The following ZNF726 variants were observed in gnomAD, a reference collection of about 807,000 sequenced individuals.
ZNF726 encodes the protein zinc finger protein 726.
A neutral mutation model predicts 11.6 loss-of-function variants in ZNF726; 15 were observed. That is an observed-to-expected ratio of 1.29 (90% CI 0.86 to 1.99). The LOEUF (loss-of-function observed/expected upper bound fraction) is 1.99. Among genes scored for constraint, ZNF726 ranks in the 30% most tolerant of loss-of-function variants. The probability of loss-of-function intolerance (pLI) is 0.00; values close to 1 mark genes in which losing one functional copy is unlikely to be tolerated. For missense variants in ZNF726, 890 were observed against 725.6 expected (o/e 1.23, Z -2.60); for synonymous variants, 295 against 243.6 (o/e 1.21, Z -1.96).
At chr19:23,930,444 G>T (rs1289946289) in intron 3 of ZNF726, among the ~76,000 whole-genome samples, 1 of 151,792 alleles carries the variant, frequency 6.6e-6, no homozygotes, top group African/African-American at 2.4e-5. Context: ...CATTAATTGT[G>T]TTTTGATTTT....
chr19:23,932,331 A>G lies in ZNF726; in HGVS notation c.227-12A>G. 4 of 1,314,422 alleles carry G rather than the reference A, an allele frequency of 3.0e-6. No homozygotes were observed. The highest frequency in any genetic ancestry group is 2.9e-6 in the Non-Finnish European group (3 of 1,024,060). The allele number at this position is 1,314,422 out of a possible 1,614,324, so 81.4% of individuals were successfully genotyped here. A position where few individuals can be genotyped will look rare whatever the true frequency, so the allele number is the denominator to read the frequency against. ...ATAGTAAGTGGAGTAAATTATTTTA[A>G]TTTTTTTTTAGGTATATGTCCTCAT... On this transcript the variant is annotated splice_polypyrimidine_tract_variant and intron_variant, in intron 3 of 3. Transcript: ENST00000594466.
intron 1 of ZNF726, among the ~76,000 whole-genome samples, chr19:23,917,852 A>ACT (rs34560541): frequency 0.24 from 35,916 of 152,026 alleles, 4,430 homozygotes; most frequent in African/African-American, 0.26. Context: ...GAAATTAATA[A>ACT]CTAACATGGA....
chr19:23,927,284 T>C (rs147656170), intron 3 of ZNF726, among the ~76,000 whole-genome samples: 29 of 152,338 alleles, frequency 1.9e-4, no homozygotes, highest in African/African-American at 5.3e-4. Context: ...TTATATTAAA[T>C]ATGTCTACCA....
chr19:23,920,448 G>A (rs532607488), intron 3 of ZNF726: 74 of 170,046 alleles, frequency 4.4e-4, no homozygotes, highest in African/African-American at 1.6e-3. Context: ...AAGGAGTTTC[G>A]CTTTTGTGGC....
At chr19:23,941,122 A>T (rs1968331678) in intron 3 of ZNF726, among the ~76,000 whole-genome samples, 1 of 152,146 alleles carries the variant, frequency 6.6e-6, no homozygotes, top group South Asian at 2.1e-4. Flanking sequence ...GGTTTGTCAT[A>T]GATAGCTTTT....
At chr19:23,921,497 C>CA (rs1251814298) in intron 3 of ZNF726, 2 of 152,222 alleles carry the variant, frequency 1.3e-5, no homozygotes, top group East Asian at 3.9e-4. Context: ...ATGGCAGTTT[C>CA]ACAATACTTA....
intron 3 of ZNF726, 47 bp downstream of exon 3, chr19:23,920,129 G>A (rs1349258427): frequency 3.5e-5 from 47 of 1,347,912 alleles, no homozygotes; most frequent in Middle Eastern, 1.9e-4. Context: ...GAGGTCCAAC[G>A]TCAAGAAGAA....
rs764402311 is a variant in ZNF726 at position 23,933,744 on chromosome 19, G to T, written c.1628G>T (p.Gly543Val). 1.2e-6 allele frequency: 2 copies of T among 1,606,538 alleles called. No individual in the cohort carries two copies. The highest frequency in any genetic ancestry group is 1.7e-5 in the Admixed American group (1 of 59,374). ...GEKPYKCEEC[G>V]KTFNQSSNLS... is the part of the protein sequence containing the mutation. ...AAACCCTACAAATGTGAAGAATGTG[G>T]CAAAACTTTTAATCAATCCTCAAAT... Residue 543 changes from glycine (G) to valine (V), a missense_variant, in exon 4 of 4, where the codon GGC (glycine) becomes GTC (valine). By Grantham distance (109) the Gly-to-Val change is moderately radical. Transcript: ENST00000594466.
chr19:23,933,293 G>A lies in ZNF726; in HGVS notation c.1177G>A (p.Gly393Arg). The A allele has an allele frequency of 6.2e-7, 1 of 1,613,522 alleles. No homozygotes were observed. Among genetic ancestry groups the A allele is most frequent in the Non-Finnish European group, 8.5e-7 (1 of 1,179,996 alleles). Reference protein sequence around the residue: ...TLTKHKRIHTGEKPYKCEECG... With the variant: ...TLTKHKRIHTREKPYKCEECG... ...AACTAAACATAAGAGGATTCACACT[G>A]GAGAGAAACCCTACAAATGTGAAGA... The change falls in exon 4 of 4, where the codon GGA becomes AGA. Residue 393 changes from glycine (G) to arginine (R), a missense_variant. Coordinates refer to ENST00000594466, the MANE Select transcript of ZNF726 (RefSeq NM_001244038.2).
intron 3 of ZNF726, chr19:23,927,735 G>T (rs902265844): frequency 6.6e-6 from 1 of 152,134 alleles, no homozygotes; most frequent in Admixed American, 6.5e-5. Flanking sequence ...TCCCACCTTG[G>T]TCTCTCTAAG....
rs769907737 is a variant in ZNF726 at position 23,933,818 on chromosome 19, G to A, written c.1702G>A (p.Glu568Lys). ...TACTGGAGAGAAACCTTACAAGTGT[G>A]AAGAATGTGGAAAAGCGTTTAATCG... ...IHTGEKPYKC[E>K]ECGKAFNRSS... The change falls in exon 4 of 4, where the codon GAA becomes AAA. Residue 568 changes from glutamate (E) to lysine (K), a missense_variant. By Grantham distance (56) the Glu-to-Lys change is moderately conservative. Transcript: ENST00000594466. 1.2e-6 allele frequency: 2 copies of A among 1,603,698 alleles called. No individual in the cohort carries two copies. The highest frequency in any genetic ancestry group is 1.7e-6 in the Non-Finnish European group (2 of 1,175,474).
At chr19:23,940,021 T>C (rs1353527032) in intron 3 of ZNF726, among the ~76,000 whole-genome samples, 1 of 152,120 alleles carries the variant, frequency 6.6e-6, no homozygotes, top group South Asian at 2.1e-4. Context: ...AAAACCTCTT[T>C]AGTTTAATTA....
intron 1 of ZNF726, among the ~76,000 whole-genome samples, chr19:23,918,626 C>G (rs534167176): frequency 4.6e-5 from 7 of 152,184 alleles, no homozygotes; most frequent in Non-Finnish European, 7.3e-5. Context: ...ATTCCATAAG[C>G]TCTCTTACAG....
At chr19:23,916,437 G>C (rs958247402) in intron 1 of ZNF726, among the ~76,000 whole-genome samples, 2 of 152,018 alleles carry the variant, frequency 1.3e-5, no homozygotes. Flanking sequence ...GGCTCAAACG[G>C]TTCTCATTTC....
At chr19:23,925,827 C>G (rs897740961) in intron 3 of ZNF726, among the ~76,000 whole-genome samples, 4 of 151,366 alleles carry the variant, frequency 2.6e-5, no homozygotes, top group African/African-American at 4.9e-5. Context: ...AGCGATTCTC[C>G]CACCTCAGCC....
chr19:23,925,958 G>T (rs867106404), intron 3 of ZNF726, among the ~76,000 whole-genome samples: 1 of 150,876 alleles, frequency 6.6e-6, no homozygotes, highest in Admixed American at 6.6e-5. Flanking sequence ...CTCGTGATCC[G>T]CCTGCCTCTG....
intron 1 of ZNF726, among the ~76,000 whole-genome samples, chr19:23,918,851 A>G (rs139044720): frequency 6.6e-6 from 1 of 152,304 alleles, no homozygotes; most frequent in East Asian, 1.9e-4. Flanking sequence ...ATGTTTGACA[A>G]AATAGTCTTT....
downstream of ZNF726, among the ~76,000 whole-genome samples, chr19:23,939,402 A>G (rs1414616906): frequency 6.6e-6 from 1 of 152,164 alleles, no homozygotes; most frequent in East Asian, 1.9e-4. Flanking sequence ...CGAGTTCAAA[A>G]TTGTGAATTG....
At chr19:23,939,181 T>A (rs1481257939), downstream of ZNF726, among the ~76,000 whole-genome samples, 5 of 151,806 alleles carry the variant, frequency 3.3e-5, no homozygotes, top group Admixed American at 3.3e-4. Flanking sequence ...CTTTGCATTC[T>A]CATATCTTAC....
Sources: allele counts gnomAD v4.1 joint callset (sites outside exome capture counted in the v4.1 genomes callset), GRCh38; gene constraint gnomAD v4.1.1; transcripts MANE v1.5; gene names NCBI Gene and HGNC (gene_info 2026-07-23, HGNC 2026-07-21).